SLC25A42: variants seen among roughly 807,000 people sequenced by gnomAD.
The protein encoded by SLC25A42 is solute carrier family 25 member 42.
SLC25A42 carries 19 observed loss-of-function variants against 34.7 expected under a neutral mutation model. The ratio of observed to expected loss-of-function variants is 0.55; its 90% CI spans 0.38 to 0.80. The LOEUF (loss-of-function observed/expected upper bound fraction) is 0.80. Ranked by LOEUF, SLC25A42 falls within the 30% of genes least tolerant of loss-of-function variation. The pLI, the probability that SLC25A42 is intolerant of heterozygous loss-of-function variation, is 0.00. For missense variants in SLC25A42, 364 were observed against 441.3 expected, an observed-to-expected ratio of 0.82 and a Z score of 1.57; for synonymous variants, 205 against 191.2, an observed-to-expected ratio of 1.07 and a Z score of -0.59.
At chr19:19,096,283 T>A in intron 2 of SLC25A42, 78 bp downstream of exon 2, 1 of 912,992 alleles carries the variant, frequency 1.1e-6, no homozygotes, top group Non-Finnish European at 1.5e-6. Flanking sequence ...GCTCCCTGCC[T>A]CCTCCTCCCA....
intron 7 of SLC25A42, 150 bp from the exon 8 acceptor site, chr19:19,110,419 G>A (rs1285399053): frequency 3.7e-6 from 2 of 538,090 alleles, no homozygotes; most frequent in African/African-American, 4.0e-5. Flanking sequence ...GGGCGTGTGG[G>A]TGCGCATGAG....
At chr19:19,077,430 A>T (rs927365667) in intron 1 of SLC25A42, among the ~76,000 whole-genome samples, 1 of 152,194 alleles carries the variant, frequency 6.6e-6, no homozygotes, top group Admixed American at 6.5e-5. Context: ...TGATGACTCT[A>T]GGGACCTCAT....
intron 1 of SLC25A42, among the ~76,000 whole-genome samples, chr19:19,068,392 C>T (rs958544479): frequency 6.9e-6 from 1 of 145,660 alleles, no homozygotes; most frequent in Non-Finnish European, 1.5e-5. Context: ...TCGGGCCAGG[C>T]ATGGTGGCTC....
chr19:19,087,046 G>A (rs1462151495), intron 1 of SLC25A42, among the ~76,000 whole-genome samples: 1 of 152,066 alleles, frequency 6.6e-6, no homozygotes, highest in Non-Finnish European at 1.5e-5. Flanking sequence ...TCCTCATGCT[G>A]TCCATTAGAT....
chr19:19,101,730 T>C (rs1439572547), intron 2 of SLC25A42, 51 bp from the exon 3 acceptor site: 2 of 1,535,428 alleles, frequency 1.3e-6, no homozygotes. Flanking sequence ...CAAGGTCCTC[T>C]GCGGAGCCGC....
Position 19,069,732 on chromosome 19 carries a change from G to A in SLC25A42, c.-35+5617G>A, listed in dbSNP as rs2059619548. On this transcript the variant is annotated intron_variant, in intron 1 of 7. Transcript: ENST00000318596. ...TGCAGTGATATGATCATAGTTCACT[G>A]CAACCTCTAACTCTTTGGCTTAAGT... Among the ~76,000 whole-genome samples, 6 of 152,080 alleles carry A rather than the reference G, an allele frequency of 3.9e-5. No individual in the cohort carries two copies. In the South Asian group the frequency reaches 1.2e-3, roughly 31 times the overall value.
intron 1 of SLC25A42, among the ~76,000 whole-genome samples, chr19:19,071,476 G>C (rs192591089): frequency 2.4e-4 from 37 of 152,210 alleles, no homozygotes; most frequent in African/African-American, 7.9e-4. Flanking sequence ...GGGGTGCTAC[G>C]GTCTGATCTT....
chr19:19,075,826 C>G (rs186951358), intron 1 of SLC25A42, among the ~76,000 whole-genome samples: 58 of 152,334 alleles, frequency 3.8e-4, no homozygotes, highest in Non-Finnish European at 1.5e-5. Flanking sequence ...CCCTCTAACT[C>G]TGTGTCAACT....
rs780516298 is a variant in SLC25A42, at chr19:19,110,967, T to G, written c.*91T>G. On this transcript the variant is annotated 3_prime_UTR_variant, in exon 8 of 8. Coordinates refer to ENST00000318596, the MANE Select transcript of SLC25A42 (RefSeq NM_178526.5). ...GTGGGGGGGTGCGCTTGATTCTACTTCAGGAGGCACATGGGGCGCTTTATG... is the reference window on the plus strand; with the variant it reads ...GTGGGGGGGTGCGCTTGATTCTACTGCAGGAGGCACATGGGGCGCTTTATG... The G allele has an allele frequency of 6.8e-5, 98 of 1,442,232 alleles. No homozygotes were observed. The highest frequency in any genetic ancestry group is 9.2e-5 in the Non-Finnish European group (97 of 1,050,680). 89.3% of individuals were successfully genotyped at this position (1,442,232 alleles called of 1,614,324 possible).
intron 1 of SLC25A42, among the ~76,000 whole-genome samples, chr19:19,090,977 G>A (rs542855046): frequency 3.0e-4 from 45 of 152,314 alleles, no homozygotes; most frequent in African/African-American, 1.0e-3. Context: ...GCCTTCCTGA[G>A]CTGCAGCAAA....
intron 2 of SLC25A42, among the ~76,000 whole-genome samples, chr19:19,100,362 C>T (rs1023395982): frequency 6.6e-6 from 1 of 151,894 alleles, no homozygotes; most frequent in African/African-American, 2.4e-5. Flanking sequence ...TAAAAATAAC[C>T]CATTTATTTG....
chr19:19,087,245 T>C (rs2059712721), intron 1 of SLC25A42, among the ~76,000 whole-genome samples: 1 of 152,300 alleles, frequency 6.6e-6, no homozygotes, highest in East Asian at 1.9e-4. Flanking sequence ...CGGTTATTCA[T>C]GTATCTTCTA....
chr19:19,082,181 C>T (rs1410239876), intron 1 of SLC25A42, among the ~76,000 whole-genome samples: 1 of 152,188 alleles, frequency 6.6e-6, no homozygotes, highest in Non-Finnish European at 1.5e-5. Flanking sequence ...CATTTGTCAT[C>T]TTTAGGTTCT....
chr19:19,083,369 A>C (rs1460670860), intron 1 of SLC25A42, among the ~76,000 whole-genome samples: 1 of 152,252 alleles, frequency 6.6e-6, no homozygotes, highest in Non-Finnish European at 1.5e-5. Flanking sequence ...TTGTCATGTA[A>C]GATCACATAT....
At chr19:19,098,838 C>T (rs2059779120) in intron 2 of SLC25A42, among the ~76,000 whole-genome samples, 1 of 151,832 alleles carries the variant, frequency 6.6e-6, no homozygotes, top group African/African-American at 2.4e-5. Flanking sequence ...GACAAACAAC[C>T]ACTTGAACCC....
intron 1 of SLC25A42, 71 bp from the exon 2 acceptor site, chr19:19,096,019 GA>G: frequency 9.6e-7 from 1 of 1,042,914 alleles, no homozygotes; most frequent in Non-Finnish European, 1.5e-6. Context: ...ACTGGGATAG[GA>G]AAAGGCTGGT....
intron 1 of SLC25A42, among the ~76,000 whole-genome samples, chr19:19,073,293 G>A (rs540075558): frequency 6.6e-6 from 1 of 152,256 alleles, no homozygotes; most frequent in Admixed American, 6.5e-5. Context: ...TGCCTTCCAG[G>A]GACCCCCAGC....
At chr19:19,074,630 T>C (rs1007207431) in intron 1 of SLC25A42, among the ~76,000 whole-genome samples, 1 of 152,108 alleles carries the variant, frequency 6.6e-6, no homozygotes, top group Non-Finnish European at 1.5e-5. Context: ...GTCGGGAAGC[T>C]ATGAGACAGG....
Position 19,106,261 on chromosome 19 carries a change from C to G in SLC25A42, c.381-8C>G. 1 of 1,609,062 alleles carries G rather than the reference C, an allele frequency of 6.2e-7. No individual in the cohort carries two copies. Among genetic ancestry groups the G allele is most frequent in the African/African-American group, 1.3e-5 (1 of 75,022 alleles). The stretch of plus-strand genomic sequence containing the variant: ...TGCCGTCTCGCCTTCTCCTCCTGCC[C>G]TGTTCAGAGCCCTGCCCCCTTGGCC... On this transcript the variant is annotated splice_polypyrimidine_tract_variant and splice_region_variant and intron_variant, in intron 5 of 7. Coordinates refer to ENST00000318596, the MANE Select transcript of SLC25A42 (RefSeq NM_178526.5).
Sources: allele counts gnomAD v4.1 joint callset (sites outside exome capture counted in the v4.1 genomes callset), GRCh38; gene constraint gnomAD v4.1.1; transcripts MANE v1.5; gene names NCBI Gene and HGNC (gene_info 2026-07-23, HGNC 2026-07-21).